Variants in IQSEC3 observed in about 807,000 individuals in gnomAD.
The protein encoded by IQSEC3 is IQ motif and Sec7 domain ArfGEF 3, also known as IQ motif and SEC7 domain-containing protein 3.
IQSEC3 carries 50 observed loss-of-function variants against 105.4 expected under a neutral mutation model. The observed-to-expected ratio is 0.47, with a 90% CI of 0.38 to 0.60. The LOEUF (loss-of-function observed/expected upper bound fraction) is 0.60. IQSEC3 is among the 20% of genes least tolerant of loss of function. The probability of loss-of-function intolerance (pLI) is 0.00; values close to 1 mark genes in which losing one functional copy is unlikely to be tolerated. For missense variants in IQSEC3, 1,415 were observed against 1,630.0 expected (o/e 0.87, Z 2.27); for synonymous variants, 708 against 746.0 (o/e 0.95, Z 0.83).
At chr12:83,776 G>T (rs1462663051) in intron 1 of IQSEC3, among the ~76,000 whole-genome samples, 2 of 152,090 alleles carry the variant, frequency 1.3e-5, no homozygotes, top group East Asian at 3.9e-4. Context: ...TTCAAAGGCA[G>T]AGAAGGGAGA....
At chr12:169,158 C>T (rs1938835810) in intron 12 of IQSEC3, 53 bp downstream of exon 12, 2 of 1,499,722 alleles carry the variant, frequency 1.3e-6, no homozygotes, top group East Asian at 2.3e-5. Context: ...CACTCGGGGA[C>T]CCTGGGTGTG....
chr12:83,320 C>T (rs1256393074), intron 1 of IQSEC3, among the ~76,000 whole-genome samples: 1 of 152,114 alleles, frequency 6.6e-6, no homozygotes, highest in Non-Finnish European at 1.5e-5. Flanking sequence ...GAACAAAGCC[C>T]CTGCCGTCAT....
chr12:163,576 C>T lies in IQSEC3; in HGVS notation c.2666C>T (p.Ala889Val). 8 of 1,600,626 alleles carry T rather than the reference C, an allele frequency of 5.0e-6. No homozygotes were observed. The highest frequency in any genetic ancestry group is 6.8e-6 in the Non-Finnish European group (8 of 1,168,796). The change falls in exon 9 of 14, where the codon GCA becomes GTA. Residue 889 changes from alanine to valine, a missense_variant. Transcript: ENST00000538872. ...VTDVNKLQKQAAHQREVFLFN... is the reference protein window; with the variant it reads ...VTDVNKLQKQVAHQREVFLFN... ...GATGTGAACAAGCTGCAGAAGCAGG[C>T]AGCGCATCAGAGGGAGGTGTTCCTC...
chr12:124,771 G>T (rs1463404730), intron 2 of IQSEC3, among the ~76,000 whole-genome samples: 1 of 152,188 alleles, frequency 6.6e-6, no homozygotes, highest in African/African-American at 2.4e-5. Flanking sequence ...GGCAGAACTT[G>T]GAGGCTAGTG....
At chr12:81,284 T>A (rs2136883790) in intron 1 of IQSEC3, among the ~76,000 whole-genome samples, 1 of 152,280 alleles carries the variant, frequency 6.6e-6, no homozygotes, top group East Asian at 1.9e-4. Context: ...TTAGGAAGTG[T>A]TTGGCTTTTA....
intron 2 of IQSEC3, among the ~76,000 whole-genome samples, chr12:107,094 CTG>C (rs1448376475): frequency 1.3e-5 from 2 of 152,224 alleles, no homozygotes; most frequent in Non-Finnish European, 2.9e-5. Context: ...TGAAGAAAGA[CTG>C]GAGTGTGTTG....
intron 5 of IQSEC3, among the ~76,000 whole-genome samples, chr12:146,710 G>A (rs1231726203): frequency 6.6e-6 from 1 of 151,976 alleles, no homozygotes; most frequent in African/African-American, 2.4e-5. Flanking sequence ...GAGGAAGGGA[G>A]GGAGGGAGGG....
At chr12:91,443 C>G (rs1006126817) in intron 1 of IQSEC3, among the ~76,000 whole-genome samples, 1 of 152,106 alleles carries the variant, frequency 6.6e-6, no homozygotes, top group African/African-American at 2.4e-5. Flanking sequence ...GACTGTTGCT[C>G]CTCTGGCAGC....
intron 7 of IQSEC3, among the ~76,000 whole-genome samples, chr12:158,047 G>A (rs548948094): frequency 6.6e-6 from 1 of 152,332 alleles, no homozygotes; most frequent in Non-Finnish European, 1.5e-5. Context: ...GCAGGGCCCT[G>A]GGTCCATTTA....
intron 5 of IQSEC3, among the ~76,000 whole-genome samples, chr12:156,086 G>C (rs1484534132): frequency 1.3e-5 from 2 of 152,324 alleles, no homozygotes; most frequent in East Asian, 3.9e-4. Flanking sequence ...AGACCCTGCA[G>C]TGCAGAGTCC....
intron 4 of IQSEC3, chr12:140,204 C>T (rs757065988): frequency 1.3e-5 from 2 of 152,210 alleles, no homozygotes; most frequent in Non-Finnish European, 2.9e-5. Context: ...CAAGAGGCTC[C>T]TATTCTAGGG....
At chr12:115,400 C>CCAGG (rs1201162848) in intron 2 of IQSEC3, among the ~76,000 whole-genome samples, 3 of 152,132 alleles carry the variant, frequency 2.0e-5, no homozygotes, top group African/African-American at 7.2e-5. Flanking sequence ...TATGAAACAC[C>CCAGG]CAGGCATGGC....
At chr12:103,862 CGGCTCGGGAGGGGAGGCG>C (rs1565397796) in intron 2 of IQSEC3, among the ~76,000 whole-genome samples, 32 of 5,510 alleles carry the variant, frequency 5.8e-3, no homozygotes, top group Middle Eastern at 0.11. Flanking sequence ...TGAGGGGAGG[CGGCTCGGGAGGGGAGGCG>C]GGGGCTCGGG....
chr12:164,970 AGAG>A (rs138662334), intron 9 of IQSEC3, among the ~76,000 whole-genome samples: 1,673 of 152,326 alleles, frequency 0.011, 25 homozygotes, highest in African/African-American at 0.037. Flanking sequence ...TTTGTTTTTT[AGAG>A]GAGGTGATCC....
chr12:125,777 G>T lies in IQSEC3; in HGVS notation c.768G>T (p.Gly256=). Residue 256 remains glycine, a synonymous_variant, in exon 3 of 14, where the codon GGG becomes GGT. Transcript: ENST00000538872. ...LQEEEERPGA[G]AASPRAGPQH... ...AGGAGGAGGAGCGGCCGGGGGCAGG[G>T]GCTGCCTCCCCAAGGGCTGGCCCCC... 1 of 1,514,468 alleles carries T rather than the reference G, an allele frequency of 6.6e-7. No homozygotes were observed. The allele number at this position is 1,514,468 out of a possible 1,614,324, so 93.8% of individuals were successfully genotyped here. A position where few individuals can be genotyped will look rare whatever the true frequency, so the allele number is the denominator to read the frequency against.
intron 8 of IQSEC3, 64 bp from the exon 9 acceptor site, chr12:163,430 G>A: frequency 6.7e-7 from 1 of 1,482,292 alleles, no homozygotes; most frequent in Non-Finnish European, 9.0e-7. Flanking sequence ...TGGAAAATGG[G>A]CGCGTGGGTG....
intron 3 of IQSEC3, among the ~76,000 whole-genome samples, chr12:136,713 T>C (rs1865778760): frequency 6.6e-6 from 1 of 152,150 alleles, no homozygotes; most frequent in Non-Finnish European, 1.5e-5. Flanking sequence ...CACGTGTAAG[T>C]GGCATGTCTG....
In IQSEC3 at chr12:92,247, A is replaced by G. The variant is rs568569618; in HGVS notation, c.555-6899A>G. Among the ~76,000 whole-genome samples, 49 of 152,338 alleles carry G rather than the reference A, an allele frequency of 3.2e-4. 1 individual carries two copies. In the South Asian group the frequency reaches 7.5e-3, roughly 23 times the overall value. Reference sequence around the variant, plus strand: ...AAGCTTCCCTCAAGGAACATGGCCCAGTCTCAGTTCTTGGCTTTTGGAAGA... The same window carrying G: ...AAGCTTCCCTCAAGGAACATGGCCCGGTCTCAGTTCTTGGCTTTTGGAAGA... On this transcript the variant is annotated intron_variant, in intron 1 of 13. Coordinates refer to ENST00000538872, the MANE Select transcript of IQSEC3 (RefSeq NM_001170738.2).
chr12:146,459 C>A (rs1368167417), intron 5 of IQSEC3, among the ~76,000 whole-genome samples: 1 of 151,934 alleles, frequency 6.6e-6, no homozygotes, highest in Non-Finnish European at 1.5e-5. Context: ...CCAGCCTGGG[C>A]AAAAGAGACC....
Sources: gnomAD v4.1 joint callset for allele counts (sites outside exome capture counted in the v4.1 genomes callset) on GRCh38, gnomAD v4.1.1 for gene constraint, MANE v1.5 for transcripts, NCBI Gene and HGNC (gene_info 2026-07-23, HGNC 2026-07-21) for gene names.